The following CTNNA3 variants were observed in gnomAD, a reference collection of about 807,000 sequenced individuals.
The protein encoded by CTNNA3 is catenin alpha 3, also known as catenin alpha-3.
CTNNA3 carries 76 observed loss-of-function variants against 95.7 expected under a neutral mutation model. The observed-to-expected ratio is 0.79, with a 90% CI of 0.66 to 0.96. The LOEUF is 0.96. Ranked by LOEUF, CTNNA3 falls within the 40% of genes least tolerant of loss-of-function variation. The pLI is 0.00. For synonymous variants in CTNNA3, 431 were observed against 374.4 expected (o/e 1.15, Z -1.74); for missense variants, 1,191 against 1,089.8 (o/e 1.09, Z -1.31).
At chr10:66,796,423 G>T (rs1038532975) in intron 7 of CTNNA3, among the ~76,000 whole-genome samples, 1 of 151,728 alleles carries the variant, frequency 6.6e-6, no homozygotes, top group Non-Finnish European at 1.5e-5. Flanking sequence ...ATCTTATATG[G>T]GTGCAGTTTG....
chr10:66,300,276 A>C (rs570519137), intron 12 of CTNNA3, among the ~76,000 whole-genome samples: 2 of 152,286 alleles, frequency 1.3e-5, no homozygotes, highest in Admixed American at 1.3e-4. Flanking sequence ...TACTGGGCAA[A>C]GCATTAGGAG....
chr10:67,427,767 T>C (rs1845973373), intron 5 of CTNNA3, among the ~76,000 whole-genome samples: 1 of 151,986 alleles, frequency 6.6e-6, no homozygotes, highest in African/African-American at 2.4e-5. Flanking sequence ...CAGCTGAGCT[T>C]TGACACCACC....
chr10:65,952,958 T>A (rs894829438), intron 17 of CTNNA3, among the ~76,000 whole-genome samples: 1 of 152,204 alleles, frequency 6.6e-6, no homozygotes, highest in Non-Finnish European at 1.5e-5. Context: ...AGTGGTTACA[T>A]AATTAATCAG....
chr10:67,276,696 A>T (rs995350020), intron 5 of CTNNA3, among the ~76,000 whole-genome samples: 20 of 152,102 alleles, frequency 1.3e-4, no homozygotes, highest in Non-Finnish European at 1.5e-5. Flanking sequence ...GCTTCAAAAT[A>T]ATATGTGAGG....
At chr10:66,907,881 C>T (rs1012237412) in intron 7 of CTNNA3, among the ~76,000 whole-genome samples, 2 of 152,108 alleles carry the variant, frequency 1.3e-5, no homozygotes, top group African/African-American at 4.8e-5. Flanking sequence ...ATGGTGAAGG[C>T]TATCATAGGA....
intron 7 of CTNNA3, among the ~76,000 whole-genome samples, chr10:66,788,399 T>A (rs977371488): frequency 6.6e-6 from 1 of 152,182 alleles, no homozygotes; most frequent in Non-Finnish European, 1.5e-5. Context: ...CACAGCCCAG[T>A]TGCAGGAGAT....
chr10:66,733,167 G>T lies in CTNNA3; in HGVS notation c.1281+33097C>A, dbSNP rs569654768. ...AGATATGTTCTTTAAAGAAAATTTA[G>T]AAAAAAAAGAAGAAAAAACAAATAT... On this transcript the variant is annotated intron_variant, in intron 9 of 17. Transcript: ENST00000433211. Among the ~76,000 whole-genome samples, 518 of 150,956 alleles carry T rather than the reference G, an allele frequency of 3.4e-3. 2 individuals carry two copies. Among genetic ancestry groups the T allele is most frequent in the Middle Eastern group, 0.024 (7 of 292 alleles).
intron 16 of CTNNA3, among the ~76,000 whole-genome samples, chr10:65,985,776 A>C (rs1394730589): frequency 6.6e-6 from 1 of 151,610 alleles, no homozygotes; most frequent in African/African-American, 2.4e-5. Context: ...GCCTAGCCAG[A>C]ACCATTAGCT....
intron 7 of CTNNA3, among the ~76,000 whole-genome samples, chr10:67,126,404 G>A (rs1010107642): frequency 1.3e-5 from 2 of 152,184 alleles, no homozygotes; most frequent in African/African-American, 4.8e-5. Context: ...GCGCGTGCCT[G>A]TAATCCCAGC....
intron 10 of CTNNA3, among the ~76,000 whole-genome samples, chr10:66,611,845 G>A (rs190445866): frequency 7.2e-4 from 110 of 152,032 alleles, no homozygotes; most frequent in Admixed American, 3.5e-3. Context: ...TTAAGGTTAC[G>A]CCTTTGATTC....
chr10:67,371,087 C>G (rs1466455411), intron 5 of CTNNA3, among the ~76,000 whole-genome samples: 1 of 151,428 alleles, frequency 6.6e-6, no homozygotes, highest in Non-Finnish European at 1.5e-5. Flanking sequence ...TGGATGGTCT[C>G]GATCTCCTGA....
At chr10:67,153,897 G>A (rs931595337) in intron 7 of CTNNA3, among the ~76,000 whole-genome samples, 1 of 151,868 alleles carries the variant, frequency 6.6e-6, no homozygotes. Context: ...AGATAAGAAG[G>A]AAAATGCAAT....
At chr10:65,935,376 A>G (rs982485401) in intron 17 of CTNNA3, among the ~76,000 whole-genome samples, 1 of 152,112 alleles carries the variant, frequency 6.6e-6, no homozygotes, top group African/African-American at 2.4e-5. Context: ...TCTGCTTATA[A>G]TCATGCCATG....
At chr10:66,243,068 C>T (rs1233105025) in intron 13 of CTNNA3, among the ~76,000 whole-genome samples, 2 of 152,118 alleles carry the variant, frequency 1.3e-5, no homozygotes. Context: ...AGACATATCT[C>T]ATTATGCCCT....
At chr10:66,733,556 T>G (rs1054233145) in intron 9 of CTNNA3, among the ~76,000 whole-genome samples, 7 of 151,754 alleles carry the variant, frequency 4.6e-5, no homozygotes, top group Non-Finnish European at 1.0e-4. Context: ...ATTTTTTATT[T>G]GTTTAATTTG....
At chr10:66,957,401 T>TATATATATATGCATATATATATATGC (rs1848857671) in intron 7 of CTNNA3, among the ~76,000 whole-genome samples, 1 of 30,612 alleles carries the variant, frequency 3.3e-5, no homozygotes, top group African/African-American at 2.4e-4. Context: ...TACATATATA[T>TATATATATATGCATATATATATATGC]ATATATATAT....
intron 9 of CTNNA3, among the ~76,000 whole-genome samples, chr10:66,630,231 G>GAAGAAA (rs1589041064): frequency 1.3e-5 from 2 of 152,120 alleles, no homozygotes; most frequent in East Asian, 3.9e-4. Context: ...ATGACAAATA[G>GAAGAAA]AAGAAAAATG....
chr10:66,288,963 TAAC>T (rs2091635114), intron 12 of CTNNA3, among the ~76,000 whole-genome samples: 1 of 152,042 alleles, frequency 6.6e-6, no homozygotes, highest in Non-Finnish European at 1.5e-5. Flanking sequence ...GATGACTACT[TAAC>T]AACAAAAAAC....
intron 1 of CTNNA3, among the ~76,000 whole-genome samples, chr10:67,672,070 T>C (rs888200405): frequency 1.3e-5 from 2 of 152,316 alleles, no homozygotes; most frequent in Non-Finnish European, 2.9e-5. Context: ...TGTGAGATGG[T>C]ATCTCATTGT....
Sources: allele counts gnomAD v4.1 joint callset (sites outside exome capture counted in the v4.1 genomes callset), GRCh38; gene constraint gnomAD v4.1.1; transcripts MANE v1.5; gene names NCBI Gene and HGNC (gene_info 2026-07-23, HGNC 2026-07-21).